Variants in GRID1 observed in about 807,000 individuals in gnomAD.
GRID1 encodes glutamate receptor ionotropic, delta-1.
A neutral mutation model predicts 98.0 loss-of-function variants in GRID1; 28 were observed. The observed-to-expected ratio is 0.29, with a 90% confidence interval of 0.21 to 0.39. The LOEUF is 0.39. GRID1 is among the 10% of genes least tolerant of loss of function. The probability of loss-of-function intolerance (pLI) is 1.00; values close to 1 mark genes in which losing one functional copy is unlikely to be tolerated. For missense variants in GRID1, 1,111 were observed against 1,340.5 expected, an observed-to-expected ratio of 0.83 and a Z score of 2.67; for synonymous variants, 553 against 538.5, an observed-to-expected ratio of 1.03 and a Z score of -0.37.
Position 85,785,902 on chromosome 10 carries a change from T to C in GRID1, c.1234-56288A>G, listed in dbSNP as rs571667230. On this transcript the variant is annotated intron_variant, in intron 8 of 15. Coordinates refer to ENST00000327946, the MANE Select transcript of GRID1 (RefSeq NM_017551.3). ...CACACATACCCCCACACCCACACAC[T>C]ACACACACCCCACAGACACACACAC... is the stretch of plus-strand genomic sequence containing the variant. 4.6e-5 allele frequency among the ~76,000 whole-genome samples: 7 copies of C among 150,790 alleles called. No homozygotes were observed. In the East Asian group the frequency reaches 1.4e-3, roughly 30 times the overall value.
chr10:86,128,065 A>T (rs1388016044), intron 4 of GRID1, among the ~76,000 whole-genome samples: 1 of 152,086 alleles, frequency 6.6e-6, no homozygotes, highest in Admixed American at 6.5e-5. Context: ...TTCTGTGTCC[A>T]TTTGCTCCAA....
intron 2 of GRID1, among the ~76,000 whole-genome samples, chr10:86,333,796 G>T (rs1362688877): frequency 6.6e-6 from 1 of 152,166 alleles, no homozygotes; most frequent in African/African-American, 2.4e-5. Context: ...TCATCATAAA[G>T]ATCATCATTC....
intron 4 of GRID1, among the ~76,000 whole-genome samples, chr10:86,130,263 T>G (rs774286287): frequency 1.3e-5 from 2 of 152,220 alleles, no homozygotes; most frequent in African/African-American, 2.4e-5. Context: ...CAAGCACAGA[T>G]GGCAGGTGAC....
chr10:86,170,630 CCTTT>C (rs1464479876), intron 3 of GRID1, among the ~76,000 whole-genome samples: 1 of 152,200 alleles, frequency 6.6e-6, no homozygotes, highest in East Asian at 1.9e-4. Context: ...CTATGCACAA[CCTTT>C]CTATTGTCTC....
intron 2 of GRID1, among the ~76,000 whole-genome samples, chr10:86,234,461 G>A (rs768213741): frequency 2.6e-5 from 4 of 152,148 alleles, no homozygotes; most frequent in South Asian, 2.1e-4. Context: ...CTCACTCATC[G>A]GCTCCTTAGT....
At chr10:85,918,461 G>A (rs930521538) in intron 4 of GRID1, among the ~76,000 whole-genome samples, 5 of 152,240 alleles carry the variant, frequency 3.3e-5, no homozygotes, top group African/African-American at 1.2e-4. Flanking sequence ...CTCATGGAAA[G>A]GAGGGTGTGG....
At chr10:86,119,336 AAAAC>A (rs573297988) in intron 4 of GRID1, among the ~76,000 whole-genome samples, 11 of 152,294 alleles carry the variant, frequency 7.2e-5, no homozygotes, top group African/African-American at 2.2e-4. Flanking sequence ...CCCTGTCTCA[AAAAC>A]AAACAAACAA....
At chr10:86,242,222 G>A (rs1589423587) in intron 2 of GRID1, among the ~76,000 whole-genome samples, 1 of 152,210 alleles carries the variant, frequency 6.6e-6, no homozygotes, top group South Asian at 2.1e-4. Context: ...GAAAGAATAA[G>A]GTCAGGTGTT....
intron 5 of GRID1, among the ~76,000 whole-genome samples, chr10:85,881,365 G>T (rs988377685): frequency 6.6e-6 from 1 of 152,050 alleles, no homozygotes; most frequent in Non-Finnish European, 1.5e-5. Flanking sequence ...ACTACCTGAC[G>T]TCGAACTATA....
chr10:86,082,102 A>C (rs1009499904), intron 4 of GRID1, among the ~76,000 whole-genome samples: 1 of 152,266 alleles, frequency 6.6e-6, no homozygotes, highest in Middle Eastern at 3.2e-3. Context: ...TGAGGCAGTT[A>C]CATGGATCTC....
chr10:85,734,099 A>G (rs1473192577), intron 8 of GRID1, among the ~76,000 whole-genome samples: 1 of 152,206 alleles, frequency 6.6e-6, no homozygotes, highest in Non-Finnish European at 1.5e-5. Flanking sequence ...TCTGAGAGTC[A>G]GAACCCAATA....
rs183849250 is a variant in GRID1 at position 85,639,531 on chromosome 10, A to G, written c.2193+7671T>C. 4.7e-3 allele frequency among the ~76,000 whole-genome samples: 721 copies of G among 152,334 alleles called. 9 individuals carry two copies. Among genetic ancestry groups the G allele is most frequent in the African/African-American group, 0.017 (689 of 41,578 alleles). The stretch of plus-strand genomic sequence containing the variant: ...AATTGTCTAAACTCATGAAATAGAC[A>G]CTATATGTGTATTTCAATTACACTT... On this transcript the variant is annotated intron_variant, in intron 13 of 15. Transcript: ENST00000327946.
chr10:86,138,010 C>T (rs1440534777), intron 4 of GRID1, among the ~76,000 whole-genome samples: 2 of 152,092 alleles, frequency 1.3e-5, no homozygotes, highest in African/African-American at 4.8e-5. Context: ...GGAGAATCTG[C>T]AGGGAGCCCT....
chr10:85,990,567 G>A (rs1842667847), intron 4 of GRID1, among the ~76,000 whole-genome samples: 1 of 152,204 alleles, frequency 6.6e-6, no homozygotes, highest in African/African-American at 2.4e-5. Flanking sequence ...CCACAAGGAA[G>A]CAGCCAAAAC....
At chr10:85,724,089 A>T (rs549489859) in intron 11 of GRID1, among the ~76,000 whole-genome samples, 1 of 152,312 alleles carries the variant, frequency 6.6e-6, no homozygotes, top group Non-Finnish European at 1.5e-5. Context: ...GAGGAGAGAA[A>T]AGTGCAAAGC....
chr10:86,241,405 A>ATG (rs1554864570), intron 2 of GRID1, among the ~76,000 whole-genome samples: 99 of 148,862 alleles, frequency 6.7e-4, no homozygotes, highest in African/African-American at 2.4e-3. Flanking sequence ...GCATCTTTAC[A>ATG]GGGGGGCCCC....
chr10:85,705,930 C>A (rs1013190522), intron 12 of GRID1, among the ~76,000 whole-genome samples: 5 of 152,154 alleles, frequency 3.3e-5, no homozygotes, highest in African/African-American at 1.2e-4. Flanking sequence ...GCTAAAAACT[C>A]TCAATAAATT....
In GRID1 at chr10:86,312,883, C is replaced by T. The variant is rs115009832; in HGVS notation, c.235+51058G>A. Among the ~76,000 whole-genome samples the T allele has an allele frequency of 3.5e-3, 527 of 152,288 alleles. 2 individuals carry two copies. Among genetic ancestry groups the T allele is most frequent in the African/African-American group, 0.012 (506 of 41,550 alleles). ...CACTGAGGGAGGAGCAACAGGACAC[C>T]CAAGAGGCTCTGCAGCACAGGAAAC... On this transcript the variant is annotated intron_variant, in intron 2 of 15. Coordinates refer to ENST00000327946, the MANE Select transcript of GRID1 (RefSeq NM_017551.3).
At position 86,264,834 on chromosome 10, in the gene GRID1, C is replaced by G; in HGVS notation, c.236-58186G>C. Reference sequence around the variant, plus strand: ...CACCGCCGCCCCTTCCTGGTTGGCCCTGCAGACGAGGAAGCCCTCCAACCT... The same window carrying G: ...CACCGCCGCCCCTTCCTGGTTGGCCGTGCAGACGAGGAAGCCCTCCAACCT... On this transcript the variant is annotated intron_variant, in intron 2 of 15. Coordinates refer to ENST00000327946, the MANE Select transcript of GRID1 (RefSeq NM_017551.3). 4 of 458,118 alleles carry G rather than the reference C, an allele frequency of 8.7e-6. 1 individual carries two copies. Among genetic ancestry groups the G allele is most frequent in the South Asian group, 6.4e-5 (4 of 62,056 alleles). 28.4% of individuals were successfully genotyped at this position (458,118 alleles called of 1,614,324 possible). A position where few individuals can be genotyped will look rare whatever the true frequency, so the allele number is the denominator to read the frequency against.
Sources: gnomAD v4.1 joint callset for allele counts (sites outside exome capture counted in the v4.1 genomes callset) on GRCh38, gnomAD v4.1.1 for gene constraint, MANE v1.5 for transcripts, NCBI Gene and HGNC (gene_info 2026-07-23, HGNC 2026-07-21) for gene names.